DMD: variants seen among roughly 807,000 people sequenced by gnomAD.
The protein encoded by DMD is mutant dystrophin.
Under a neutral mutation model 330.1 loss-of-function variants are expected in DMD, and 63 were observed. That is an observed-to-expected ratio of 0.19 (90% CI 0.16 to 0.24). DMD has a LOEUF of 0.24. Among genes scored for constraint, DMD ranks in the 10% least tolerant of loss-of-function variants. The pLI is 1.00. For synonymous variants in DMD, 1,223 were observed against 959.8 expected (o/e 1.27, Z -5.07); for missense variants, 3,344 against 2,684.1 (o/e 1.25, Z -5.43).
intron 1 of DMD, among the ~76,000 whole-genome samples, chrX:33,241,281 A>AT (rs2052583088): frequency 9.0e-6 from 1 of 111,710 alleles, no homozygotes; most frequent in African/African-American, 3.3e-5. Flanking sequence ...GTGGATATCT[A>AT]TTTTTTCCAG....
In DMD at chrX:31,321,607, A is replaced by AAAAGAAAGAAAG. The variant is rs1556500803; in HGVS notation, c.9224+1990_9224+1991insCTTTCTTTCTTT. 1.4e-3 allele frequency among the ~76,000 whole-genome samples: 123 copies of AAAAGAAAGAAAG among 89,265 alleles called. 2 individuals are homozygous for AAAAGAAAGAAAG. Among genetic ancestry groups the AAAAGAAAGAAAG allele is most frequent in the African/African-American group, 6.8e-3 (115 of 16,975 alleles). The allele number at this position is 89,265 out of a possible 115,157, so 77.5% of individuals were successfully genotyped here. A position where few individuals can be genotyped will look rare whatever the true frequency, so the allele number is the denominator to read the frequency against. On this transcript the variant is annotated intron_variant, in intron 62 of 78. Coordinates refer to ENST00000357033, the MANE Select transcript of DMD (RefSeq NM_004006.3). ...TCAAAAAAAAAAAAAAAAAAAAAAAAAAAGAAAGAAACCAAGATTTTTATA... is the reference window on the plus strand; with the variant it reads ...TCAAAAAAAAAAAAAAAAAAAAAAAAAAAGAAAGAAAGAAAGAAAGAAACCAAGATTTTTATA...
chrX:31,843,338 G>A (rs188714135), intron 48 of DMD, among the ~76,000 whole-genome samples: 2 of 111,933 alleles, frequency 1.8e-5, no homozygotes, highest in African/African-American at 6.5e-5. Context: ...CACCAACAGC[G>A]TATAATGTTC....
chrX:31,341,876 CGTGCGTG>C (rs1569529171), intron 61 of DMD, among the ~76,000 whole-genome samples: 73 of 73,454 alleles, frequency 9.9e-4, no homozygotes, highest in African/African-American at 1.3e-3. Flanking sequence ...GGCGTGCGCG[CGTGCGTG>C]CGCGCGCGCA....
At chrX:33,009,468 GTGT>G (rs2093559993) in intron 2 of DMD, among the ~76,000 whole-genome samples, 2 of 81,765 alleles carry the variant, frequency 2.4e-5, no homozygotes, top group African/African-American at 1.2e-4. Context: ...ATACACATAT[GTGT>G]GTATGTGTAT....
chrX:32,554,560 T>G (rs1235564530), intron 16 of DMD, among the ~76,000 whole-genome samples: 1 of 109,349 alleles, frequency 9.1e-6, no homozygotes, highest in African/African-American at 3.3e-5. Context: ...CCTCTAAGAC[T>G]GAACCATAAA....
At chrX:32,213,113 A>G (rs772018294) in intron 44 of DMD, among the ~76,000 whole-genome samples, 1 of 112,302 alleles carries the variant, frequency 8.9e-6, no homozygotes, top group Admixed American at 9.4e-5. Context: ...TTCTTTACTG[A>G]AAATTGTACA....
At chrX:32,558,231 G>A (rs2050548627) in intron 16 of DMD, among the ~76,000 whole-genome samples, 1 of 111,240 alleles carries the variant, frequency 9.0e-6, no homozygotes, top group South Asian at 3.7e-4. Context: ...ATTAAATACG[G>A]AATTTGAGCA....
intron 13 of DMD, among the ~76,000 whole-genome samples, chrX:32,591,492 T>C (rs1271475705): frequency 3.6e-5 from 4 of 112,034 alleles, no homozygotes; most frequent in African/African-American, 1.3e-4. Context: ...TTTATGGTCT[T>C]TTTATAGTCT....
At chrX:32,217,197 T>C in intron 43 of DMD, 134 bp from the exon 44 acceptor site, 2 of 608,464 alleles carry the variant, frequency 3.3e-6, no homozygotes, top group South Asian at 5.7e-5. Context: ...CAGAGTTTAG[T>C]TTCAAGTAAC....
At chrX:32,777,277 T>TGGGGGGGGGGGGAGGGTGGG (rs546914107) in intron 7 of DMD, among the ~76,000 whole-genome samples, 1 of 2,113 alleles carries the variant, frequency 4.7e-4, no homozygotes, top group Admixed American at 5.5e-3. Flanking sequence ...GGTTTCTGGT[T>TGGGGGGGGGGGGAGGGTGGG]GGGGGGGGAA....
chrX:31,429,887 T>A (rs937589353), intron 60 of DMD, among the ~76,000 whole-genome samples: 2 of 109,814 alleles, frequency 1.8e-5, no homozygotes, highest in Admixed American at 1.9e-4. Context: ...TTTTTTTTTT[T>A]AAGTTGAGAT....
chrX:32,575,735 A>G, intron 13 of DMD, among the ~76,000 whole-genome samples: 2 of 112,148 alleles, frequency 1.8e-5, no homozygotes, highest in Non-Finnish European at 3.8e-5. Flanking sequence ...TCTTAAGTAT[A>G]AACTACACCA....
chrX:32,727,472 T>C (rs1341313630), intron 7 of DMD, among the ~76,000 whole-genome samples: 1 of 110,892 alleles, frequency 9.0e-6, no homozygotes, highest in African/African-American at 3.3e-5. Context: ...AGAGTCCTGC[T>C]TACACCTCTA....
intron 44 of DMD, among the ~76,000 whole-genome samples, chrX:32,076,292 T>C (rs1187149269): frequency 1.8e-5 from 2 of 108,605 alleles, no homozygotes; most frequent in Non-Finnish European, 3.8e-5. Flanking sequence ...GGGAAGGAGA[T>C]GTTACCTCTA....
At chrX:31,326,554 C>T (rs1227431800) in intron 61 of DMD, among the ~76,000 whole-genome samples, 1 of 104,676 alleles carries the variant, frequency 9.6e-6, no homozygotes, top group Non-Finnish European at 1.9e-5. Flanking sequence ...TTGTTTGAAA[C>T]CTTACAATTT....
Position 32,625,699 on chromosome X carries a change from T to C in DMD, c.1332-11246A>G, listed in dbSNP as rs1466810494. On this transcript the variant is annotated intron_variant, in intron 11 of 78. Transcript: ENST00000357033. ...TGCTTTATGGAAATACATTATAAAATGTATAAACATATATTATGAAAACAT... is the reference window on the plus strand; with the variant it reads ...TGCTTTATGGAAATACATTATAAAACGTATAAACATATATTATGAAAACAT... Among the ~76,000 whole-genome samples the C allele has an allele frequency of 5.8e-4, 65 of 112,421 alleles. 3 individuals carry two copies. The highest frequency in any genetic ancestry group is 4.7e-4 in the Admixed American group (5 of 10,598).
chrX:31,457,045 T>C, intron 59 of DMD, among the ~76,000 whole-genome samples: 1 of 109,470 alleles, frequency 9.1e-6, no homozygotes, highest in Non-Finnish European at 1.9e-5. Context: ...AAGATGCTGA[T>C]GGAGGGGAAG....
At chrX:32,608,827 A>G (rs2056941085) in intron 12 of DMD, among the ~76,000 whole-genome samples, 1 of 110,524 alleles carries the variant, frequency 9.0e-6, no homozygotes, top group Non-Finnish European at 1.9e-5. Flanking sequence ...TTACCATCAT[A>G]ACCATTAAAC....
At chrX:32,240,279 C>A (rs1260452172) in intron 43 of DMD, among the ~76,000 whole-genome samples, 1 of 111,706 alleles carries the variant, frequency 9.0e-6, no homozygotes, top group Non-Finnish European at 1.9e-5. Flanking sequence ...GAAATCCTCA[C>A]CCTCAAGGTG....
Sources: gnomAD v4.1 joint callset for allele counts (sites outside exome capture counted in the v4.1 genomes callset) on GRCh38, gnomAD v4.1.1 for gene constraint, MANE v1.5 for transcripts, NCBI Gene and HGNC (gene_info 2026-07-23, HGNC 2026-07-21) for gene names.